GPRASP1: variants seen among roughly 807,000 people sequenced by gnomAD.
GPRASP1 encodes the protein G protein-coupled receptor-associated sorting protein 1.
In GPRASP1, 28 loss-of-function variants were observed where a neutral mutation model predicts 68.4. That is an observed-to-expected ratio of 0.41 (90% confidence interval 0.30 to 0.56). GPRASP1 has a LOEUF of 0.56. Among genes scored for constraint, GPRASP1 ranks in the 20% least tolerant of loss-of-function variants. GPRASP1 has a pLI of 0.29. For missense variants in GPRASP1, 913 were observed against 1,031.5 expected (o/e 0.89, Z 1.57); for synonymous variants, 304 against 358.2 (o/e 0.85, Z 1.71).
chrX:102,656,285 T>A lies in GPRASP1; in HGVS notation c.2372T>A (p.Leu791Gln). 8.3e-7 allele frequency: 1 copy of A among 1,203,010 alleles called. No homozygotes were observed. The highest frequency in any genetic ancestry group is 1.8e-5 in the African/African-American group (1 of 57,126). Reference sequence around the variant, plus strand: ...TTCTGGGCTGGAGAAGAGGACAGACTAGAGCCAGCTGCTGAGACTAGAGAA... The same window carrying A: ...TTCTGGGCTGGAGAAGAGGACAGACAAGAGCCAGCTGCTGAGACTAGAGAA... The part of the protein sequence containing the change: ...SWFWAGEEDR[L>Q]EPAAETREED... The change falls in exon 6 of 6, where the codon CTA (leucine) becomes CAA (glutamine). Residue 791 changes from leucine to glutamine, a missense_variant. Transcript: ENST00000537097.
intron 4 of GPRASP1, 104 bp from the exon 5 acceptor site, chrX:102,653,117 A>G (rs1463595660): frequency 8.9e-6 from 1 of 111,912 alleles, no homozygotes; most frequent in Non-Finnish European, 1.9e-5. Context: ...GAAACCATAG[A>G]TACATTGAAC....
chrX:102,653,941 G>A lies in GPRASP1; in HGVS notation c.28G>A (p.Ala10Thr). 1.7e-6 allele frequency: 2 copies of A among 1,210,705 alleles called. No homozygotes were observed. The highest frequency in any genetic ancestry group is 1.1e-6 in the Non-Finnish European group (1 of 894,461). The change falls in exon 6 of 6, where the codon GCC (alanine) becomes ACC (threonine). Residue 10 changes from alanine (A) to threonine (T), a missense_variant. Coordinates refer to ENST00000537097, the MANE Select transcript of GPRASP1 (RefSeq NM_001184727.2). Reference sequence around the variant, plus strand: ...GACTGGGGCAGAGATTGAGTCTGGTGCCCAGGTCAAGCCTGAAAAGAAGCC... The same window carrying A: ...GACTGGGGCAGAGATTGAGTCTGGTACCCAGGTCAAGCCTGAAAAGAAGCC... MTGAEIESGAQVKPEKKPGE... is the reference protein window; with the variant it reads MTGAEIESGTQVKPEKKPGE...
Position 102,658,073 on chromosome X carries a change from A to C in GPRASP1, c.4160A>C (p.Asn1387Thr). ...CTGCAAGGCAAAACAGACAATCAAA[A>C]TGACCCTGAAGGGGACCAAGAAAAT... ...KELQGKTDNQNDPEGDQEN is the reference protein window; with the variant it reads ...KELQGKTDNQTDPEGDQEN The change falls in exon 6 of 6, where the codon AAT (asparagine) becomes ACT (threonine). Residue 1387 changes from asparagine to threonine, a missense_variant. Coordinates refer to ENST00000537097, the MANE Select transcript of GPRASP1 (RefSeq NM_001184727.2). 4.3e-6 allele frequency: 5 copies of C among 1,154,215 alleles called. No homozygotes were observed. The highest frequency in any genetic ancestry group is 5.9e-6 in the Non-Finnish European group (5 of 849,268).
rs780479648 is a variant in GPRASP1 at position 102,654,175 on chromosome X, T to C, written c.262T>C (p.Phe88Leu). Residue 88 changes from phenylalanine (F) to leucine (L), a missense_variant, in exon 6 of 6, where the codon TTT becomes CTT. Transcript: ENST00000537097. ...GGCCAAGGCAATACCTGTTTCACGA[T>C]TTAAGGAAGAAGCCCAGATGTGGGC... ...SKAKAIPVSRFKEEAQMWAQP... is the reference protein window; with the variant it reads ...SKAKAIPVSRLKEEAQMWAQP... 5.8e-6 allele frequency: 7 copies of C among 1,212,094 alleles called. No individual in the cohort carries two copies. The highest frequency in any genetic ancestry group is 7.8e-6 in the Non-Finnish European group (7 of 895,475).
At position 102,658,083 on chromosome X, in the gene GPRASP1, AG is replaced by A; in HGVS notation, c.4174del (p.Asp1392ThrfsTer8). 1 of 1,097,038 alleles carries A rather than the reference AG, an allele frequency of 9.1e-7. No individual in the cohort carries two copies. The highest frequency in any genetic ancestry group is 1.2e-6 in the Non-Finnish European group (1 of 803,680). The allele number at this position is 1,097,038 out of a possible 1,213,427, so 90.4% of individuals were successfully genotyped here. A position where few individuals can be genotyped will look rare whatever the true frequency, so the allele number is the denominator to read the frequency against. On this transcript the variant is annotated frameshift_variant, in exon 6 of 6. Coordinates refer to ENST00000537097, the MANE Select transcript of GPRASP1 (RefSeq NM_001184727.2). LOFTEE classifies it high-confidence loss of function. The part of the protein sequence containing the change: ...GKTDNQNDPE[G>X]DQEN ...AAACAGACAATCAAAATGACCCTGA[AG>A]GGGACCAAGAAAATTAGTAATGGTT...
Position 102,656,469 on chromosome X carries a change from C to G in GPRASP1, c.2556C>G (p.Ala852=). 8.3e-7 allele frequency: 1 copy of G among 1,209,639 alleles called. No individual in the cohort carries two copies. Among genetic ancestry groups the G allele is most frequent in the Non-Finnish European group, 1.1e-6 (1 of 894,781 alleles). Residue 852 remains alanine (A), a synonymous_variant, in exon 6 of 6, where the codon GCC becomes GCG. Coordinates refer to ENST00000537097, the MANE Select transcript of GPRASP1 (RefSeq NM_001184727.2). ...GGTCCTGGTTCTGGGAAGAAGAGGC[C>G]AGTCCGGAGGCAGTGGCAGGAGTCG... ...IIGSWFWEEE[A]SPEAVAGVGF...
rs200192348 is a variant in GPRASP1, at chrX:102,653,872, G to C, written c.-42G>C. On this transcript the variant is annotated 5_prime_UTR_variant, in exon 6 of 6. Coordinates refer to ENST00000537097, the MANE Select transcript of GPRASP1 (RefSeq NM_001184727.2). ...CAGATCTGTGGTTGAGGTTTAGACT[G>C]GGGGAGGAGTATAGTACTGGACTTT... The C allele has an allele frequency of 6.8e-6, 7 of 1,035,153 alleles. No homozygotes were observed. The East Asian group carries it at 1.8e-4, about 27-fold the overall frequency. The allele number at this position is 1,035,153 out of a possible 1,213,427, so 85.3% of individuals were successfully genotyped here. A position where few individuals can be genotyped will look rare whatever the true frequency, so the allele number is the denominator to read the frequency against.
chrX:102,655,753 G>T lies in GPRASP1; in HGVS notation c.1840G>T (p.Gly614Trp), dbSNP rs748434761. The change falls in exon 6 of 6, where the codon GGG becomes TGG. Residue 614 changes from glycine to tryptophan, a missense_variant. Physicochemically the swap from Gly to Trp is radical, Grantham distance 184. Transcript: ENST00000537097. ...QGAEEEEPII[G>W]SWFWTRVEAC... ...GGCTGAGGAGGAGGAGCCCATTATT[G>T]GGTCCTGGTTTTGGACCAGAGTAGA... The T allele has an allele frequency of 3.2e-5, 39 of 1,208,874 alleles. No individual in the cohort carries two copies. The highest frequency in any genetic ancestry group is 3.9e-5 in the Non-Finnish European group (35 of 894,804).
Position 102,657,169 on chromosome X carries a change from C to T in GPRASP1, c.3256C>T (p.Pro1086Ser), listed in dbSNP as rs766924605. 3.3e-6 allele frequency: 4 copies of T among 1,210,379 alleles called. No individual in the cohort carries two copies. The highest frequency in any genetic ancestry group is 2.2e-5 in the Admixed American group (1 of 46,029). The stretch of plus-strand genomic sequence containing the variant: ...ATTCTGTGAAATGTTTGGGGGCAAA[C>T]CCAGGAACATGGTACTTAGCCCAGA... ...SLFCEMFGGKPRNMVLSPEGE... is the reference protein window; with the variant it reads ...SLFCEMFGGKSRNMVLSPEGE... Residue 1086 changes from proline to serine, a missense_variant, in exon 6 of 6, where the codon CCC becomes TCC. Pro to Ser is a moderately conservative substitution (Grantham distance 74). Transcript: ENST00000537097.
In GPRASP1 at chrX:102,653,709, A is replaced by G. The variant is rs949773192; in HGVS notation, c.-205A>G. The G allele has an allele frequency of 1.4e-4, 58 of 418,990 alleles. No individual in the cohort carries two copies. The highest frequency in any genetic ancestry group is 2.9e-4 in the South Asian group (7 of 24,131). 34.5% of individuals were successfully genotyped at this position (418,990 alleles called of 1,213,427 possible). On this transcript the variant is annotated 5_prime_UTR_variant, in exon 6 of 6. Transcript: ENST00000537097. Reference sequence around the variant, plus strand: ...TGTGCCTGTTCTACACTCTATCTGTATTATTGAATTACTGACTGAGACTGT... The same window carrying G: ...TGTGCCTGTTCTACACTCTATCTGTGTTATTGAATTACTGACTGAGACTGT...
chrX:102,652,495 A>G (rs2081364407), intron 3 of GPRASP1, among the ~76,000 whole-genome samples: 1 of 112,884 alleles, frequency 8.9e-6, no homozygotes, highest in Non-Finnish European at 1.9e-5. Context: ...ACATACTGAC[A>G]AGTACCAATT....
In GPRASP1 at chrX:102,655,081, C is replaced by T. The variant is rs1294027624; in HGVS notation, c.1168C>T (p.Arg390Ter). 4.1e-6 allele frequency: 5 copies of T among 1,210,129 alleles called. No individual in the cohort carries two copies. The highest frequency in any genetic ancestry group is 2.2e-5 in the Admixed American group (1 of 45,880). The part of the protein sequence containing the change: ...MTKEEAKTKA[R>*]ARAKQEARSE... ...AAAGGAAGAGGCCAAAACCAAGGCCCGAGCCAGGGCCAAGCAAGAAGCCAG... is the reference window on the plus strand; with the variant it reads ...AAAGGAAGAGGCCAAAACCAAGGCCTGAGCCAGGGCCAAGCAAGAAGCCAG... Residue 390 changes from arginine to a stop codon, truncating the protein, a stop_gained, in exon 6 of 6, where the codon CGA becomes TGA. Transcript: ENST00000537097. LOFTEE classifies it high-confidence loss of function.
chrX:102,655,973 C>T lies in GPRASP1; in HGVS notation c.2060C>T (p.Pro687Leu). 8.3e-7 allele frequency: 1 copy of T among 1,211,528 alleles called. No homozygotes were observed. The highest frequency in any genetic ancestry group is 3.0e-5 in the East Asian group (1 of 33,832). Residue 687 changes from proline to leucine, a missense_variant, in exon 6 of 6, where the codon CCT becomes CTT. Pro to Leu is a moderately conservative substitution (Grantham distance 98). Transcript: ENST00000537097. ...GCAGAAAAAGAACCCTGTATGTATC[C>T]TGCCGGTGGAGGAAGTTGGAAGTCT... ...FWAEKEPCMY[P>L]AGGGSWKSRP...
Position 102,652,174 on chromosome X carries a change from G to A in GPRASP1, c.-571-1G>A, listed in dbSNP as rs187380491. The A allele has an allele frequency of 8.8e-6, 1 of 113,015 alleles. No individual in the cohort carries two copies. The highest frequency in any genetic ancestry group is 1.9e-5 in the Non-Finnish European group (1 of 53,349). The allele number at this position is 113,015 out of a possible 1,213,427, so 9.3% of individuals were successfully genotyped here. On this transcript the variant is annotated splice_acceptor_variant, in intron 2 of 5. Coordinates refer to ENST00000537097, the MANE Select transcript of GPRASP1 (RefSeq NM_001184727.2). LOFTEE classifies it low-confidence loss of function (5UTR_SPLICE). ...GATGTCAAAGTCTGTCTGCGCGGTA[G>A]GTCTGGCGTATTCTGACAGGACACA...
chrX:102,656,891 C>T lies in GPRASP1; in HGVS notation c.2978C>T (p.Thr993Ile). Residue 993 changes from threonine (T) to isoleucine (I), a missense_variant, in exon 6 of 6, where the codon ACA (threonine) becomes ATA (isoleucine). Coordinates refer to ENST00000537097, the MANE Select transcript of GPRASP1 (RefSeq NM_001184727.2). ...TDNGSNCGSR[T>I]LADEDEAIVG... ...AATGGAAGCAACTGTGGGTCCAGGA[C>T]ATTAGCTGATGAAGATGAGGCCATA... is the stretch of plus-strand genomic sequence containing the variant. 3 of 1,209,314 alleles carry T rather than the reference C, an allele frequency of 2.5e-6. No homozygotes were observed. The South Asian group carries it at 5.3e-5, about 21-fold the overall frequency.
chrX:102,652,766 C>T (rs895455379), intron 3 of GPRASP1, 65 bp from the exon 4 acceptor site: 4 of 112,783 alleles, frequency 3.5e-5, no homozygotes, highest in African/African-American at 1.3e-4. Flanking sequence ...GCGTTGGTCT[C>T]TCTACCAAGG....
chrX:102,654,705 G>A lies in GPRASP1; in HGVS notation c.792G>A (p.Trp264Ter). 8.3e-7 allele frequency: 1 copy of A among 1,211,189 alleles called. No individual in the cohort carries two copies. The highest frequency in any genetic ancestry group is 1.1e-6 in the Non-Finnish European group (1 of 895,002). ...EDESVKTPWF[W>*]ARDKTNTWSG... ...AGTCTGTTAAGACACCCTGGTTCTG[G>A]GCCAGAGATAAAACCAATACCTGGT... is the stretch of plus-strand genomic sequence containing the variant. Residue 264 changes from tryptophan (W) to a stop codon, truncating the protein, a stop_gained, in exon 6 of 6, where the codon TGG becomes TGA. Transcript: ENST00000537097. LOFTEE classifies it high-confidence loss of function.
rs150290683 is a variant in GPRASP1, at chrX:102,657,958, A to G, written c.4045A>G (p.Ile1349Val). Residue 1349 changes from isoleucine to valine, a missense_variant, in exon 6 of 6, where the codon ATC becomes GTC. Coordinates refer to ENST00000537097, the MANE Select transcript of GPRASP1 (RefSeq NM_001184727.2). Reference sequence around the variant, plus strand: ...AATATTTGAGAATATTGGCAACAATATCAAAAAAGAAACAGTGTTCTCTGA... The same window carrying G: ...AATATTTGAGAATATTGGCAACAATGTCAAAAAAGAAACAGTGTTCTCTGA... ...LAIFENIGNNIKKETVFSDDD... is the reference protein window; with the variant it reads ...LAIFENIGNNVKKETVFSDDD... 2.6e-5 allele frequency: 30 copies of G among 1,176,279 alleles called. No homozygotes were observed. The highest frequency in any genetic ancestry group is 3.2e-5 in the Non-Finnish European group (28 of 864,587).
At chrX:102,652,041 C>T (rs1389790014) in intron 2 of GPRASP1, 134 bp from the exon 3 acceptor site, 2 of 112,726 alleles carry the variant, frequency 1.8e-5, no homozygotes, top group Non-Finnish European at 3.8e-5. Context: ...AGCTCTGTGC[C>T]TAGCCCGTGG....
Sources: allele counts gnomAD v4.1 joint callset (sites outside exome capture counted in the v4.1 genomes callset), GRCh38; gene constraint gnomAD v4.1.1; transcripts MANE v1.5; gene names NCBI Gene and HGNC (gene_info 2026-07-23, HGNC 2026-07-21).